The following SMARCD1 variants were observed in gnomAD, a reference collection of about 807,000 sequenced individuals.
The protein encoded by SMARCD1 is SWI/SNF related BAF chromatin remodeling complex subunit D1, also known as SWI/SNF-related matrix-associated actin-dependent regulator of chromatin subfamily D member 1.
SMARCD1 carries 16 observed loss-of-function variants against 70.8 expected under a neutral mutation model. The observed-to-expected ratio is 0.23, with a 90% CI of 0.15 to 0.34. The LOEUF (loss-of-function observed/expected upper bound fraction) is 0.34. Among genes scored for constraint, SMARCD1 ranks in the 10% least tolerant of loss-of-function variants. The pLI, the probability that SMARCD1 is intolerant of heterozygous loss-of-function variation, is 1.00. For synonymous variants in SMARCD1, 249 were observed against 246.0 expected, an observed-to-expected ratio of 1.01 and a Z score of -0.11; for missense variants, 409 against 655.5, an observed-to-expected ratio of 0.62 and a Z score of 4.11.
At position 50,087,422 on chromosome 12, in the gene SMARCD1, C is replaced by T. The variant is rs534953232; in HGVS notation, c.591C>T (p.Ala197=). 7.7e-5 allele frequency: 125 copies of T among 1,614,058 alleles called. No individual in the cohort carries two copies. The South Asian group carries it at 1.2e-3, about 16-fold the overall frequency. The change falls in exon 5 of 13, where the codon GCC becomes GCT. Residue 197 remains alanine, a synonymous_variant. Coordinates refer to ENST00000394963, the MANE Select transcript of SMARCD1 (RefSeq NM_003076.5). ...CTTTCAATCCGGCTAAGTCAGATGC[C>T]GAGGATGGGGAAGGGACGGTGGCTT... ...SNTFNPAKSD[A]EDGEGTVASW... is the part of the protein sequence containing the mutation.
At chr12:50,093,551 A>G (rs947504433) in intron 9 of SMARCD1, among the ~76,000 whole-genome samples, 1 of 151,964 alleles carries the variant, frequency 6.6e-6, no homozygotes, top group African/African-American at 2.4e-5. Context: ...TGGTGTAATC[A>G]TGGCTCACTG....
chr12:50,088,266 C>G, intron 5 of SMARCD1: 1 of 702,564 alleles, frequency 1.4e-6, no homozygotes, highest in East Asian at 2.7e-5. Flanking sequence ...TAACTTGCCT[C>G]ATTTCCCTTG....
At chr12:50,097,446 G>A (rs836174) in intron 11 of SMARCD1, among the ~76,000 whole-genome samples, 48,503 of 151,852 alleles carry the variant, frequency 0.32, 9,133 homozygotes, top group Middle Eastern at 0.46. Flanking sequence ...CAGCTACTTG[G>A]GAGGCTAAGG....
chr12:50,085,616 G>A (rs528387075), intron 1 of SMARCD1, 70 bp downstream of exon 1: 3 of 1,151,672 alleles, frequency 2.6e-6, no homozygotes, highest in East Asian at 3.2e-5. Context: ...AGTGACAGGG[G>A]TGGGGGGAGA....
chr12:50,098,583 A>G (rs1010003948), intron 11 of SMARCD1, 131 bp from the exon 12 acceptor site: 1 of 670,802 alleles, frequency 1.5e-6, no homozygotes, highest in Non-Finnish European at 2.6e-6. Context: ...GGTCACATTC[A>G]CAGGTACTAG....
At chr12:50,088,441 G>T in intron 5 of SMARCD1, 80 bp from the exon 6 acceptor site, 2 of 765,236 alleles carry the variant, frequency 2.6e-6, no homozygotes, top group Admixed American at 2.3e-5. Flanking sequence ...ATTGTTGTTG[G>T]GGTTCCTTTT....
chr12:50,096,982 C>G lies in SMARCD1; in HGVS notation c.1392+10C>G, dbSNP rs749170865. ...GTGCAGGGACCTCAAGGTAAAGAAC[C>G]TAGGAGAGGTCTGAAGGGACTTAGG... On this transcript the variant is annotated intron_variant, in intron 11 of 12. Coordinates refer to ENST00000394963, the MANE Select transcript of SMARCD1 (RefSeq NM_003076.5). 4 of 1,608,688 alleles carry G rather than the reference C, an allele frequency of 2.5e-6. No homozygotes were observed. Among genetic ancestry groups the G allele is most frequent in the Non-Finnish European group, 3.4e-6 (4 of 1,176,244 alleles).
intron 5 of SMARCD1, among the ~76,000 whole-genome samples, chr12:50,087,790 A>C (rs1950804870): frequency 6.7e-6 from 1 of 149,826 alleles, no homozygotes; most frequent in African/African-American, 2.5e-5. Flanking sequence ...TTTTTTTTTT[A>C]ATCGAGTTTG....
intron 1 of SMARCD1, 39 bp from the exon 2 acceptor site, chr12:50,086,122 G>A: frequency 3.5e-6 from 5 of 1,424,096 alleles, no homozygotes; most frequent in Non-Finnish European, 4.7e-6. Flanking sequence ...GGTTTAGCAG[G>A]TGAAACCATG....
intron 6 of SMARCD1, chr12:50,089,413 C>G: frequency 6.4e-6 from 1 of 157,170 alleles, no homozygotes; most frequent in Admixed American, 6.1e-5. Context: ...CACATCAGAG[C>G]TCAAATGGTG....
At chr12:50,091,477 G>A (rs1204226844) in intron 9 of SMARCD1, among the ~76,000 whole-genome samples, 1 of 151,570 alleles carries the variant, frequency 6.6e-6, no homozygotes, top group Non-Finnish European at 1.5e-5. Flanking sequence ...GTTTCTCCAT[G>A]TTGGTCAGGC....
Position 50,099,420 on chromosome 12 carries a change from A to C in SMARCD1, c.*420A>C, listed in dbSNP as rs1950920350. 1 of 440,864 alleles carries C rather than the reference A, an allele frequency of 2.3e-6. No individual in the cohort carries two copies. The highest frequency in any genetic ancestry group is 3.8e-5 in the Admixed American group (1 of 26,194). 27.3% of individuals were successfully genotyped at this position (440,864 alleles called of 1,614,324 possible). On this transcript the variant is annotated 3_prime_UTR_variant, in exon 13 of 13. Coordinates refer to ENST00000394963, the MANE Select transcript of SMARCD1 (RefSeq NM_003076.5). ...TTCTCCAAGACTCAGGCCTGTGGGC[A>C]CTCTATAAGCTAGTTGATCTTGGCT...
At chr12:50,092,046 C>G (rs1200531227) in intron 9 of SMARCD1, among the ~76,000 whole-genome samples, 1 of 152,032 alleles carries the variant, frequency 6.6e-6, no homozygotes, top group Non-Finnish European at 1.5e-5. Flanking sequence ...TCCGAGCCTC[C>G]CAATTCCATT....
In SMARCD1 at chr12:50,099,934, C is replaced by T. The variant is rs1950924938; in HGVS notation, c.*934C>T. On this transcript the variant is annotated 3_prime_UTR_variant, in exon 13 of 13. Transcript: ENST00000394963. The stretch of plus-strand genomic sequence containing the variant: ...CCCTGGGCCATCCCTGTCTTCCTGT[C>T]CCTTGTCTGCCCAGTTGACACCTAC... The T allele has an allele frequency of 6.5e-6, 1 of 152,768 alleles. No individual in the cohort carries two copies. The highest frequency in any genetic ancestry group is 1.5e-5 in the Non-Finnish European group (1 of 68,142). The allele number at this position is 152,768 out of a possible 1,614,324, so 9.5% of individuals were successfully genotyped here. A position where few individuals can be genotyped will look rare whatever the true frequency, so the allele number is the denominator to read the frequency against.
intron 7 of SMARCD1, 44 bp from the exon 8 acceptor site, chr12:50,090,197 A>T: frequency 6.4e-7 from 1 of 1,555,186 alleles, no homozygotes; most frequent in South Asian, 1.2e-5. Context: ...CTGCATATAG[A>T]CGCAGCTAAC....
Position 50,094,527 on chromosome 12 carries a change from G to A in SMARCD1, c.1224G>A (p.Leu408=). Reference sequence around the variant, plus strand: ...TGAAGACCCAGATGAATTCTTTTCTGCTGTCCACTGCCAGCCAACAGGAGA... The same window carrying A: ...TGAAGACCCAGATGAATTCTTTTCTACTGTCCACTGCCAGCCAACAGGAGA... ...DTLKTQMNSF[L]LSTASQQEIA... The change falls in exon 10 of 13, where the codon CTG becomes CTA. Residue 408 remains leucine, a synonymous_variant. Transcript: ENST00000394963. The A allele has an allele frequency of 1.2e-6, 2 of 1,614,070 alleles. No individual in the cohort carries two copies. Among genetic ancestry groups the A allele is most frequent in the South Asian group, 2.2e-5 (2 of 91,070 alleles).
At chr12:50,094,762 T>A (rs572727913) in intron 10 of SMARCD1, among the ~76,000 whole-genome samples, 190 bp downstream of exon 10, 64 of 152,318 alleles carry the variant, frequency 4.2e-4, no homozygotes, top group African/African-American at 1.5e-3. Flanking sequence ...GCACTGAGCC[T>A]CGGTTTCTGA....
chr12:50,086,735 A>G (rs1950795342), intron 3 of SMARCD1, 21 bp from the exon 4 acceptor site: 11 of 1,614,114 alleles, frequency 6.8e-6, no homozygotes, highest in African/African-American at 2.7e-5. Flanking sequence ...CTAGATTTCA[A>G]TTAATTTTTC....
At chr12:50,091,685 T>C (rs1433173321) in intron 9 of SMARCD1, among the ~76,000 whole-genome samples, 1 of 152,108 alleles carries the variant, frequency 6.6e-6, no homozygotes, top group Non-Finnish European at 1.5e-5. Context: ...CAAGCAATTC[T>C]CCCTCCCCAG....
Sources: allele counts gnomAD v4.1 joint callset (sites outside exome capture counted in the v4.1 genomes callset), GRCh38; gene constraint gnomAD v4.1.1; transcripts MANE v1.5; gene names NCBI Gene and HGNC (gene_info 2026-07-23, HGNC 2026-07-21).